Variants in ATP1B3 observed in about 807,000 individuals in gnomAD.
ATP1B3 encodes sodium/potassium-transporting ATPase subunit beta-3.
ATP1B3 carries 10 observed loss-of-function variants against 30.2 expected under a neutral mutation model. That is an observed-to-expected ratio of 0.33 (90% CI 0.20 to 0.56). The LOEUF (loss-of-function observed/expected upper bound fraction) is 0.56. Among genes scored for constraint, ATP1B3 ranks in the 20% least tolerant of loss-of-function variants. ATP1B3 has a pLI of 0.90. For missense variants in ATP1B3, 238 were observed against 336.7 expected (o/e 0.71, Z 2.29); for synonymous variants, 113 against 117.0 (o/e 0.97, Z 0.22).
chr3:141,890,347 G>C (rs1270787880), intron 1 of ATP1B3, among the ~76,000 whole-genome samples: 1 of 113,604 alleles, frequency 8.8e-6, no homozygotes, highest in African/African-American at 3.4e-5. Flanking sequence ...GTGTCACCCA[G>C]GATGGACTGC....
chr3:141,919,994 A>G (rs1040943483), intron 5 of ATP1B3, among the ~76,000 whole-genome samples: 12 of 152,096 alleles, frequency 7.9e-5, no homozygotes, highest in South Asian at 2.1e-4. Context: ...TACATGCTTC[A>G]CCCTGAGTAC....
intron 3 of ATP1B3, among the ~76,000 whole-genome samples, chr3:141,912,889 GTC>G (rs1934390923): frequency 6.6e-6 from 1 of 152,288 alleles, no homozygotes; most frequent in African/African-American, 2.4e-5. Context: ...CTATGAGCTA[GTC>G]TCTCACCTGG....
chr3:141,919,405 C>G (rs907102439), intron 5 of ATP1B3, among the ~76,000 whole-genome samples: 1 of 152,092 alleles, frequency 6.6e-6, no homozygotes, highest in Non-Finnish European at 1.5e-5. Flanking sequence ...GTGTGAACCA[C>G]CGCAGATGGC....
At chr3:141,903,853 G>A (rs11710245) in intron 2 of ATP1B3, 105 bp downstream of exon 2, 190,494 of 1,350,232 alleles carry the variant, frequency 0.14, 14,094 homozygotes, top group East Asian at 0.17. Context: ...ATGATCTTGG[G>A]TCACTGCAAC....
chr3:141,882,495 C>G (rs939414002), intron 1 of ATP1B3, among the ~76,000 whole-genome samples: 1 of 152,184 alleles, frequency 6.6e-6, no homozygotes, highest in Non-Finnish European at 1.5e-5. Context: ...GGTGACCATA[C>G]ATACTTCCTG....
intron 1 of ATP1B3, among the ~76,000 whole-genome samples, chr3:141,880,924 G>T (rs1933708595): frequency 6.6e-6 from 1 of 152,182 alleles, no homozygotes; most frequent in Admixed American, 6.5e-5. Flanking sequence ...AACAAACCAG[G>T]CGGGACATGG....
intron 5 of ATP1B3, chr3:141,918,205 A>G (rs542500066): frequency 6.6e-6 from 1 of 152,200 alleles, no homozygotes; most frequent in Non-Finnish European, 1.5e-5. Flanking sequence ...GCTTGCTCAC[A>G]AAGCTTTCTG....
chr3:141,879,226 C>T (rs1190866686), intron 1 of ATP1B3, among the ~76,000 whole-genome samples: 2 of 152,086 alleles, frequency 1.3e-5, no homozygotes, highest in Admixed American at 6.5e-5. Context: ...TTCCATGTTA[C>T]TAAAGATTTT....
intron 6 of ATP1B3, among the ~76,000 whole-genome samples, chr3:141,923,277 CA>C (rs35588152): frequency 0.57 from 82,840 of 144,566 alleles, 23,122 homozygotes; most frequent in East Asian, 0.82. Flanking sequence ...GACTCTATCT[CA>C]AAAAAAAAAA....
At chr3:141,876,950 T>A (rs1288045515) in intron 1 of ATP1B3, 40 bp downstream of exon 1, 2 of 1,466,188 alleles carry the variant, frequency 1.4e-6, no homozygotes, top group Non-Finnish European at 1.8e-6. Flanking sequence ...CCGGCCTCGG[T>A]CCCGGGGGCG....
intron 1 of ATP1B3, chr3:141,902,903 A>AAT (rs1423884672): frequency 9.2e-5 from 14 of 152,214 alleles, no homozygotes; most frequent in African/African-American, 3.4e-4. Context: ...CAGTTTTTAA[A>AAT]ATATATATTT....
intron 1 of ATP1B3, among the ~76,000 whole-genome samples, chr3:141,898,243 A>G (rs1934104502): frequency 6.6e-6 from 1 of 152,230 alleles, no homozygotes; most frequent in Admixed American, 6.5e-5. Flanking sequence ...AACCAAAGAA[A>G]AAATAGATAA....
At chr3:141,918,510 T>C (rs1240106617) in intron 5 of ATP1B3, among the ~76,000 whole-genome samples, 2 of 151,690 alleles carry the variant, frequency 1.3e-5, no homozygotes, top group Non-Finnish European at 2.9e-5. Flanking sequence ...AGTGGTGCGA[T>C]CTCAGCTCAC....
intron 5 of ATP1B3, chr3:141,918,280 T>C (rs531098528): frequency 3.3e-5 from 5 of 152,282 alleles, no homozygotes; most frequent in African/African-American, 1.2e-4. Flanking sequence ...TTCATGACAG[T>C]GCGCCTGTAT....
chr3:141,907,173 TGGTTTTTCC>T lies in ATP1B3; in HGVS notation c.246_254del (p.Met82_Pro85delinsIle). The T allele has an allele frequency of 1.2e-6, 2 of 1,608,756 alleles. No individual in the cohort carries two copies. Among genetic ancestry groups the T allele is most frequent in the Non-Finnish European group, 1.7e-6 (2 of 1,177,308 alleles). On this transcript the variant is annotated inframe_deletion, in exon 3 of 7. Coordinates refer to ENST00000286371, the MANE Select transcript of ATP1B3 (RefSeq NM_001679.4). Reference sequence around the variant, plus strand: ...CCCTTTTATGTCTTTATAGGACTCATGGTTTTTCCAAAACCAGTGACCGCATTGGAATAT... The same window carrying T: ...CCCTTTTATGTCTTTATAGGACTCATAAAACCAGTGACCGCATTGGAATAT...
chr3:141,890,404 G>T (rs1559866409), intron 1 of ATP1B3, among the ~76,000 whole-genome samples: 1 of 140,368 alleles, frequency 7.1e-6, no homozygotes, highest in Non-Finnish European at 1.5e-5. Flanking sequence ...CTGGGTTCAG[G>T]TGATTCTCCT....
chr3:141,915,669 A>G (rs1309063728), intron 4 of ATP1B3, among the ~76,000 whole-genome samples: 1 of 152,190 alleles, frequency 6.6e-6, no homozygotes, highest in East Asian at 1.9e-4. Context: ...AATTAGATTT[A>G]AGGGTTTCTG....
chr3:141,922,411 G>A (rs1469060126), intron 6 of ATP1B3, among the ~76,000 whole-genome samples: 5 of 152,080 alleles, frequency 3.3e-5, no homozygotes, highest in African/African-American at 1.2e-4. Flanking sequence ...ACAGCACTTT[G>A]AGAGGCCAAG....
chr3:141,915,875 T>G (rs1035566165), intron 4 of ATP1B3, 95 bp from the exon 5 acceptor site: 48 of 881,178 alleles, frequency 5.4e-5, no homozygotes, highest in Non-Finnish European at 8.1e-5. Flanking sequence ...GGTGTTAATC[T>G]CAAAGTCTTC....
Sources: gnomAD v4.1 joint callset for allele counts (sites outside exome capture counted in the v4.1 genomes callset) on GRCh38, gnomAD v4.1.1 for gene constraint, MANE v1.5 for transcripts, NCBI Gene and HGNC (gene_info 2026-07-23, HGNC 2026-07-21) for gene names.